CNTN4: variants seen among roughly 807,000 people sequenced by gnomAD.
CNTN4 encodes contactin-4.
CNTN4 carries 77 observed loss-of-function variants against 122.5 expected under a neutral mutation model. The ratio of observed to expected loss-of-function variants is 0.63; its 90% CI spans 0.52 to 0.76. CNTN4 has a LOEUF of 0.76. Ranked by LOEUF, CNTN4 falls within the 30% of genes least tolerant of loss-of-function variation. CNTN4 has a pLI of 0.00. For missense variants in CNTN4, 1,256 were observed against 1,259.1 expected (o/e 1.00, Z 0.04); for synonymous variants, 512 against 447.0 (o/e 1.15, Z -1.83).
intron 3 of CNTN4, among the ~76,000 whole-genome samples, chr3:2,543,045 T>C (rs991335210): frequency 3.3e-5 from 5 of 152,162 alleles, no homozygotes; most frequent in African/African-American, 1.2e-4. Flanking sequence ...ATTGTATACA[T>C]GGACATGCCA....
chr3:2,465,529 T>C lies in CNTN4; in HGVS notation c.-88-105887T>C, dbSNP rs1427336528. On this transcript the variant is annotated intron_variant, in intron 3 of 24. Coordinates refer to ENST00000418658, the MANE Select transcript of CNTN4 (RefSeq NM_175607.3). ...CCGTCTCTCCTAAAATATAAAAAAT[T>C]AACCGGGTGTGGCAGCGTGCGCCTG... Among the ~76,000 whole-genome samples, 3 of 151,826 alleles carry C rather than the reference T, an allele frequency of 2.0e-5. No individual in the cohort carries two copies. The East Asian group carries it at 5.8e-4, about 29-fold the overall frequency.
intron 7 of CNTN4, among the ~76,000 whole-genome samples, chr3:2,820,526 A>G (rs1213869624): frequency 3.3e-5 from 5 of 152,002 alleles, no homozygotes; most frequent in Admixed American, 3.3e-4. Flanking sequence ...ATTGTAATTG[A>G]TGGCCATTTT....
chr3:2,696,438 T>C (rs2086039312), intron 4 of CNTN4, among the ~76,000 whole-genome samples: 1 of 152,178 alleles, frequency 6.6e-6, no homozygotes, highest in African/African-American at 2.4e-5. Context: ...TCAAAGAAAG[T>C]TTGCTGCTTT....
intron 3 of CNTN4, among the ~76,000 whole-genome samples, chr3:2,537,598 G>A (rs2077861637): frequency 9.2e-5 from 14 of 152,006 alleles, no homozygotes; most frequent in Admixed American, 7.9e-4. Flanking sequence ...AGCAGAGTAA[G>A]ACACTTCTAA....
intron 2 of CNTN4, among the ~76,000 whole-genome samples, chr3:2,200,240 A>G (rs1343537886): frequency 6.6e-6 from 1 of 152,114 alleles, no homozygotes; most frequent in Non-Finnish European, 1.5e-5. Flanking sequence ...GATATGTTTG[A>G]GATAGAGTTA....
intron 4 of CNTN4, among the ~76,000 whole-genome samples, chr3:2,618,201 C>T (rs1262450217): frequency 6.6e-6 from 1 of 151,972 alleles, no homozygotes; most frequent in African/African-American, 2.4e-5. Flanking sequence ...GTTCTTAGAA[C>T]AATTCCTGGG....
intron 13 of CNTN4, among the ~76,000 whole-genome samples, chr3:2,946,181 T>C (rs1406700662): frequency 1.3e-5 from 2 of 152,084 alleles, no homozygotes; most frequent in East Asian, 3.9e-4. Context: ...TTGAAAATGG[T>C]TCATTGCACA....
intron 7 of CNTN4, among the ~76,000 whole-genome samples, chr3:2,853,741 C>T (rs1336546173): frequency 2.0e-5 from 3 of 152,138 alleles, no homozygotes; most frequent in Admixed American, 6.5e-5. Flanking sequence ...TCTGTTTTGG[C>T]GTCTTGAAAC....
At chr3:2,699,017 C>T (rs1439585710) in intron 4 of CNTN4, among the ~76,000 whole-genome samples, 4 of 88,470 alleles carry the variant, frequency 4.5e-5, no homozygotes. Context: ...GAGCGAGACT[C>T]TGTCTTAAAA....
chr3:3,017,341 T>C (rs146273777), intron 14 of CNTN4, among the ~76,000 whole-genome samples: 8,314 of 152,250 alleles, frequency 0.055, 375 homozygotes, highest in Admixed American at 0.091. Context: ...CTAAAAGAGA[T>C]CAAATGTGTA....
intron 6 of CNTN4, among the ~76,000 whole-genome samples, chr3:2,816,820 CAAAAAAAAAA>C (rs538762827): frequency 1.1e-4 from 8 of 73,230 alleles, no homozygotes; most frequent in Non-Finnish European, 1.7e-4. Flanking sequence ...ACTCTGTCTC[CAAAAAAAAAA>C]AAAAAAAAAA....
Position 3,040,192 on chromosome 3 carries a change from T to C in CNTN4, c.2319T>C (p.Phe773=). The change falls in exon 20 of 25, where the codon TTT becomes TTC. Residue 773 remains phenylalanine, a synonymous_variant. Transcript: ENST00000418658. ...AGAGCGTGCACCCCTTCTCTCCCTT[T>C]GAGGTTAAAGTAGGTGTCTTCAACA... ...RNESVHPFSP[F]EVKVGVFNNK... is the part of the protein sequence containing the mutation. The C allele has an allele frequency of 6.2e-7, 1 of 1,614,226 alleles. No homozygotes were observed. Among genetic ancestry groups the C allele is most frequent in the Non-Finnish European group, 8.5e-7 (1 of 1,180,034 alleles).
At chr3:3,013,419 A>G (rs1697431185) in intron 14 of CNTN4, among the ~76,000 whole-genome samples, 1 of 152,138 alleles carries the variant, frequency 6.6e-6, no homozygotes, top group Non-Finnish European at 1.5e-5. Context: ...CCCTGAGAAG[A>G]CATCCAGCAA....
chr3:2,878,988 C>T (rs1249650826), intron 8 of CNTN4, among the ~76,000 whole-genome samples: 1 of 152,124 alleles, frequency 6.6e-6, no homozygotes, highest in Non-Finnish European at 1.5e-5. Flanking sequence ...TGGAAGCCAC[C>T]CAAATGCCCA....
At chr3:2,298,735 A>G (rs937954865) in intron 2 of CNTN4, among the ~76,000 whole-genome samples, 1 of 152,236 alleles carries the variant, frequency 6.6e-6, no homozygotes, top group Admixed American at 6.5e-5. Context: ...ATTCCTGAAG[A>G]CTACAAGTGG....
chr3:2,991,841 A>G (rs781709362), intron 14 of CNTN4, among the ~76,000 whole-genome samples: 1 of 150,854 alleles, frequency 6.6e-6, no homozygotes, highest in African/African-American at 2.4e-5. Flanking sequence ...TTTTAATTCA[A>G]TTTTGAGATC....
chr3:2,104,949 G>A (rs920705493), intron 2 of CNTN4, among the ~76,000 whole-genome samples: 1 of 152,134 alleles, frequency 6.6e-6, no homozygotes, highest in Admixed American at 6.5e-5. Context: ...TATGGTCTGG[G>A]TGGGATTCCG....
At chr3:2,333,624 A>T (rs2043824868) in intron 2 of CNTN4, among the ~76,000 whole-genome samples, 1 of 152,204 alleles carries the variant, frequency 6.6e-6, no homozygotes, top group Non-Finnish European at 1.5e-5. Flanking sequence ...GGAACCCATT[A>T]GTGATCTCTG....
At chr3:3,028,834 C>T (rs553044373) in intron 15 of CNTN4, among the ~76,000 whole-genome samples, 2 of 152,164 alleles carry the variant, frequency 1.3e-5, no homozygotes, top group Non-Finnish European at 2.9e-5. Context: ...CAGGTTTGAG[C>T]TGTATGGGTC....
Sources: allele counts gnomAD v4.1 joint callset (sites outside exome capture counted in the v4.1 genomes callset), GRCh38; gene constraint gnomAD v4.1.1; transcripts MANE v1.5; gene names NCBI Gene and HGNC (gene_info 2026-07-23, HGNC 2026-07-21).